Variants in PPP1R9A observed in about 807,000 individuals in gnomAD.
PPP1R9A encodes the protein neurabin-1.
PPP1R9A carries 59 observed loss-of-function variants against 141.9 expected under a neutral mutation model. That is an observed-to-expected ratio of 0.42 (90% CI 0.34 to 0.52). The LOEUF (loss-of-function observed/expected upper bound fraction) is 0.52. Ranked by LOEUF, PPP1R9A falls within the 20% of genes least tolerant of loss-of-function variation. The pLI is 0.10. For missense variants in PPP1R9A, 1,444 were observed against 1,611.9 expected (o/e 0.90, Z 1.78); for synonymous variants, 500 against 569.7 (o/e 0.88, Z 1.74).
chr7:94,954,497 G>T (rs1429048121), intron 2 of PPP1R9A, among the ~76,000 whole-genome samples: 1 of 151,768 alleles, frequency 6.6e-6, no homozygotes, highest in Non-Finnish European at 1.5e-5. Flanking sequence ...TTTCCTTGAA[G>T]GCCTCTTTTA....
At chr7:95,162,324 ACATATATTCAATT>A (rs1830575385) in intron 5 of PPP1R9A, among the ~76,000 whole-genome samples, 1 of 152,216 alleles carries the variant, frequency 6.6e-6, no homozygotes, top group African/African-American at 2.4e-5. Flanking sequence ...AAATGATTAT[ACATATATTCAATT>A]TTCTGTGTTT....
intron 3 of PPP1R9A, among the ~76,000 whole-genome samples, chr7:95,114,883 G>T (rs1179021976): frequency 8.3e-6 from 1 of 120,016 alleles, no homozygotes; most frequent in Non-Finnish European, 1.7e-5. Flanking sequence ...AACTTAAAAA[G>T]TCCGTCTCAA....
intron 7 of PPP1R9A, among the ~76,000 whole-genome samples, chr7:95,214,832 A>G (rs988801181): frequency 3.3e-5 from 5 of 152,184 alleles, no homozygotes; most frequent in African/African-American, 1.2e-4. Context: ...TTTCAGCAAT[A>G]TTACCAATGA....
At chr7:95,047,709 A>G (rs778988113) in intron 2 of PPP1R9A, among the ~76,000 whole-genome samples, 13 of 152,176 alleles carry the variant, frequency 8.5e-5, no homozygotes, top group Non-Finnish European at 1.3e-4. Flanking sequence ...TTTGCCAGTT[A>G]TAGAGAGTGA....
chr7:95,105,351 C>T (rs971847948), intron 2 of PPP1R9A, among the ~76,000 whole-genome samples: 1 of 152,138 alleles, frequency 6.6e-6, no homozygotes, highest in Non-Finnish European at 1.5e-5. Context: ...GTTGTTCGTT[C>T]AGAAATGTCC....
chr7:94,913,978 A>G (rs1019039383), intron 2 of PPP1R9A, among the ~76,000 whole-genome samples: 2 of 152,182 alleles, frequency 1.3e-5, no homozygotes, highest in South Asian at 2.1e-4. Context: ...TACTAAATGC[A>G]TATAGTGAAA....
At chr7:94,972,797 T>G (rs1250676982) in intron 2 of PPP1R9A, among the ~76,000 whole-genome samples, 1 of 152,194 alleles carries the variant, frequency 6.6e-6, no homozygotes, top group Admixed American at 6.5e-5. Flanking sequence ...ATCTGACTAT[T>G]AAGTGTTGCC....
chr7:95,153,756 G>A (rs1481567214), intron 4 of PPP1R9A, among the ~76,000 whole-genome samples: 1 of 152,180 alleles, frequency 6.6e-6, no homozygotes, highest in Admixed American at 6.5e-5. Context: ...TGGCATTGAA[G>A]CCATCCAGTC....
intron 14 of PPP1R9A, among the ~76,000 whole-genome samples, chr7:95,272,287 G>A (rs887786328): frequency 6.6e-6 from 1 of 152,132 alleles, no homozygotes; most frequent in Non-Finnish European, 1.5e-5. Context: ...GATTGATCTG[G>A]AAGAATTTGG....
chr7:95,269,633 A>G (rs1801853448), intron 14 of PPP1R9A, 126 bp downstream of exon 14: 13 of 711,318 alleles, frequency 1.8e-5, no homozygotes, highest in Non-Finnish European at 2.7e-5. Flanking sequence ...TTCTTTTTAT[A>G]TTATAGAATA....
intron 4 of PPP1R9A, among the ~76,000 whole-genome samples, chr7:95,122,793 A>G (rs1439045941): frequency 3.9e-5 from 6 of 152,194 alleles, no homozygotes; most frequent in Non-Finnish European, 8.8e-5. Context: ...TTAATAAATT[A>G]TATATAATGA....
At chr7:95,018,630 G>A (rs1009469891) in intron 2 of PPP1R9A, 1 of 152,240 alleles carries the variant, frequency 6.6e-6, no homozygotes, top group African/African-American at 2.4e-5. Context: ...CAAAGCCTGG[G>A]TAGGGTTGCT....
intron 5 of PPP1R9A, among the ~76,000 whole-genome samples, chr7:95,167,388 A>G (rs181540670): frequency 6.6e-6 from 1 of 152,292 alleles, no homozygotes; most frequent in Admixed American, 6.5e-5. Context: ...GCCAAACCAT[A>G]TCAATACCTC....
rs12055998 is a variant in PPP1R9A at position 95,054,460 on chromosome 7, A to C, written c.1396-56799A>C. Among the ~76,000 whole-genome samples, 6 of 152,004 alleles carry C rather than the reference A, an allele frequency of 3.9e-5. 1 individual carries two copies. The highest frequency in any genetic ancestry group is 1.4e-4 in the African/African-American group (6 of 41,462). ...ATTTAATTCTATATCATTACCGTAC[A>C]TTGTCTGGAACTAGGGTGACCATTT... On this transcript the variant is annotated intron_variant, in intron 2 of 19. Coordinates refer to ENST00000433360, the MANE Select transcript of PPP1R9A (RefSeq NM_001166160.2).
intron 2 of PPP1R9A, among the ~76,000 whole-genome samples, chr7:95,097,368 G>A (rs1818183970): frequency 6.6e-6 from 1 of 152,068 alleles, no homozygotes; most frequent in South Asian, 2.1e-4. Flanking sequence ...CAACCAGTGA[G>A]CTGGTGCTTA....
At chr7:95,114,491 C>A (rs80006823) in intron 3 of PPP1R9A, among the ~76,000 whole-genome samples, 3,057 of 152,086 alleles carry the variant, frequency 0.02, 99 homozygotes, top group African/African-American at 0.068. Flanking sequence ...TATTCTGTGT[C>A]TTTGTACATG....
chr7:95,265,786 T>A (rs1801200496), intron 12 of PPP1R9A, among the ~76,000 whole-genome samples: 1 of 152,204 alleles, frequency 6.6e-6, no homozygotes, highest in South Asian at 2.1e-4. Flanking sequence ...TCTGTGATAT[T>A]TGCTTTCAGA....
At chr7:95,001,974 G>A (rs1282350313) in intron 2 of PPP1R9A, among the ~76,000 whole-genome samples, 1 of 152,176 alleles carries the variant, frequency 6.6e-6, no homozygotes, top group African/African-American at 2.4e-5. Flanking sequence ...GTTCGTGTGA[G>A]TGTCACAAGC....
At chr7:94,919,300 C>CTT (rs1562991267) in intron 2 of PPP1R9A, among the ~76,000 whole-genome samples, 2 of 120,174 alleles carry the variant, frequency 1.7e-5, no homozygotes, top group Non-Finnish European at 1.6e-5. Flanking sequence ...TGGATAATTA[C>CTT]ATTTTTTTTT....
Sources: gnomAD v4.1 joint callset for allele counts (sites outside exome capture counted in the v4.1 genomes callset) on GRCh38, gnomAD v4.1.1 for gene constraint, MANE v1.5 for transcripts, NCBI Gene and HGNC (gene_info 2026-07-23, HGNC 2026-07-21) for gene names.